The following MYMK variants were observed in gnomAD, a reference collection of about 807,000 sequenced individuals.
MYMK encodes the protein myomaker, myoblast fusion factor.
In MYMK, 16 loss-of-function variants were observed where a neutral mutation model predicts 22.4. The observed-to-expected ratio is 0.72, with a 90% confidence interval of 0.48 to 1.09. MYMK has a LOEUF of 1.09. Ranked by LOEUF, MYMK falls within the 50% of genes least tolerant of loss-of-function variation. The pLI, the probability that MYMK is intolerant of heterozygous loss-of-function variation, is 0.00. For missense variants in MYMK, 250 were observed against 295.6 expected (o/e 0.85, Z 1.13); for synonymous variants, 125 against 127.0 (o/e 0.98, Z 0.11).
At chr9:133,524,628 C>A (rs993320522) in intron 1 of MYMK, 82 bp downstream of exon 1, 24 of 1,602,864 alleles carry the variant, frequency 1.5e-5, no homozygotes, top group Non-Finnish European at 2.0e-5. Context: ...TCACCCAATA[C>A]AAGAACGCTG....
rs149821214 is a variant in MYMK, at chr9:133,517,420, C to T, written c.399+1454G>A. Among the ~76,000 whole-genome samples, 582 of 152,296 alleles carry T rather than the reference C, an allele frequency of 3.8e-3. 2 individuals are homozygous for T. The highest frequency in any genetic ancestry group is 6.5e-3 in the Non-Finnish European group (439 of 68,016). ...GTGGCTCATGCCTGTAATTCCAGCA[C>T]TTTGGGAGACTGAGGCAGGCAGATT... On this transcript the variant is annotated intron_variant, in intron 3 of 4. Coordinates refer to ENST00000339996, the MANE Select transcript of MYMK (RefSeq NM_001080483.3).
chr9:133,523,755 G>A (rs1844731957), intron 1 of MYMK, among the ~76,000 whole-genome samples: 1 of 151,676 alleles, frequency 6.6e-6, no homozygotes, highest in Admixed American at 6.6e-5. Context: ...AAGCCAGAGA[G>A]ACACATGGAG....
chr9:133,522,394 G>A (rs918155771), intron 1 of MYMK, among the ~76,000 whole-genome samples: 3 of 152,204 alleles, frequency 2.0e-5, no homozygotes, highest in Non-Finnish European at 4.4e-5. Context: ...TCTCCGTGGG[G>A]TTTGCACCCA....
At chr9:133,522,417 C>T (rs1176639908) in intron 1 of MYMK, among the ~76,000 whole-genome samples, 3 of 152,022 alleles carry the variant, frequency 2.0e-5, no homozygotes, top group Non-Finnish European at 4.4e-5. Context: ...GCAAGGTGTC[C>T]GGCACAGAGA....
At chr9:133,520,078 A>C in intron 2 of MYMK, 96 bp downstream of exon 2, 1 of 862,000 alleles carries the variant, frequency 1.2e-6, no homozygotes, top group Non-Finnish European at 1.9e-6. Context: ...GAGTGGGGAT[A>C]GAGGGCTGCA....
chr9:133,517,689 GGTTC>G (rs1844648392), intron 3 of MYMK, among the ~76,000 whole-genome samples: 1 of 147,636 alleles, frequency 6.8e-6, no homozygotes, highest in Non-Finnish European at 1.5e-5. Flanking sequence ...AAAAAAGTCA[GGTTC>G]TGGCCCCGCC....
At chr9:133,522,307 C>G (rs1291511941) in intron 1 of MYMK, among the ~76,000 whole-genome samples, 2 of 143,746 alleles carry the variant, frequency 1.4e-5, no homozygotes, top group African/African-American at 2.7e-5. Flanking sequence ...TCTGACTTTG[C>G]AGATGTTCCC....
rs1131692249 is a variant in MYMK, at chr9:133,515,546, A to C, written c.461T>G (p.Ile154Arg). ...YPDKSVYTQQ[I>R]GPGLCFGALA... ...CGCCCCGAAGCAGAGGCCGGGGCCT[A>C]TCTGCTGGGTGTAGACGCTCTTGTC... The change falls in exon 4 of 5, where the codon ATA becomes AGA. Residue 154 changes from isoleucine (I) to arginine (R), a missense_variant. Coordinates refer to ENST00000339996, the MANE Select transcript of MYMK (RefSeq NM_001080483.3). This position sits in a 1 kb window ranked among gnomAD's most constrained non-coding sequence, Gnocchi z 5.8. The C allele has an allele frequency of 1.2e-6, 2 of 1,614,078 alleles. No homozygotes were observed. The highest frequency in any genetic ancestry group is 4.5e-5 in the East Asian group (2 of 44,866).
At chr9:133,520,067 T>G in intron 2 of MYMK, 107 bp downstream of exon 2, 1 of 757,330 alleles carries the variant, frequency 1.3e-6, no homozygotes, top group Non-Finnish European at 2.3e-6. Context: ...GGGCTGGGAG[T>G]GAGTGGGGAT....
At position 133,515,352 on chromosome 9, in the gene MYMK, T is replaced by C; in HGVS notation, c.516+139A>G. The C allele has an allele frequency of 1.5e-6, 1 of 667,144 alleles. No individual in the cohort carries two copies. Among genetic ancestry groups the C allele is most frequent in the Non-Finnish European group, 2.7e-6 (1 of 369,422 alleles). The allele number at this position is 667,144 out of a possible 1,614,324, so 41.3% of individuals were successfully genotyped here. On this transcript the variant is annotated intron_variant, in intron 4 of 4. Coordinates refer to ENST00000339996, the MANE Select transcript of MYMK (RefSeq NM_001080483.3). This position sits in a 1 kb window ranked among gnomAD's most constrained non-coding sequence, Gnocchi z 5.8. ...CCGACATAGCCCTGGGAGGGGCTAG[T>C]GAGCAGGGACTAATACCAGACTTTG... is the stretch of plus-strand genomic sequence containing the variant.
chr9:133,520,181 C>G lies in MYMK; in HGVS notation c.243G>C (p.Ser81=), dbSNP rs756144808. 5 of 1,613,658 alleles carry G rather than the reference C, an allele frequency of 3.1e-6. No homozygotes were observed. In the South Asian group the frequency reaches 4.4e-5, roughly 14 times the overall value. Residue 81 remains serine, a synonymous_variant, in exon 2 of 5, where the codon TCG becomes TCC. Transcript: ENST00000339996. The part of the protein sequence containing the change: ...VYGTALSMWV[S]LMALADFDEP... ...CAGGGGTTGACCACTCACCCATCAG[C>G]GAGACCCACATGCTCAGGGCTGTCC... is the stretch of plus-strand genomic sequence containing the variant.
chr9:133,519,590 T>C (rs1844673543), intron 2 of MYMK, among the ~76,000 whole-genome samples: 1 of 152,102 alleles, frequency 6.6e-6, no homozygotes, highest in African/African-American at 2.4e-5. Flanking sequence ...GCAAAGTGAA[T>C]AGGATCGAAT....
In MYMK at chr9:133,515,368, C is replaced by G; in HGVS notation, c.516+123G>C. On this transcript the variant is annotated intron_variant, in intron 4 of 4. Transcript: ENST00000339996. The surrounding 1 kb of genome is among the most constrained non-coding windows in gnomAD (Gnocchi z 5.8). ...AGGGGCTAGTGAGCAGGGACTAATACCAGACTTTGGCCTGGGGCTGTCAGA... is the reference window on the plus strand; with the variant it reads ...AGGGGCTAGTGAGCAGGGACTAATAGCAGACTTTGGCCTGGGGCTGTCAGA... 1 of 709,728 alleles carries G rather than the reference C, an allele frequency of 1.4e-6. No individual in the cohort carries two copies. Among genetic ancestry groups the G allele is most frequent in the Admixed American group, 2.2e-5 (1 of 45,680 alleles). The allele number at this position is 709,728 out of a possible 1,614,324, so 44.0% of individuals were successfully genotyped here.
At chr9:133,521,799 T>G (rs1388516755) in intron 1 of MYMK, among the ~76,000 whole-genome samples, 8 of 152,220 alleles carry the variant, frequency 5.3e-5, no homozygotes, top group Non-Finnish European at 1.2e-4. Flanking sequence ...TCTCCTGGCT[T>G]CTTCCCATCC....
intron 1 of MYMK, among the ~76,000 whole-genome samples, chr9:133,521,825 T>A (rs1190319921): frequency 6.6e-6 from 1 of 152,180 alleles, no homozygotes; most frequent in Non-Finnish European, 1.5e-5. Context: ...CCCAGCCCCA[T>A]CACCTGCTGT....
At chr9:133,524,413 G>C (rs550174305) in intron 1 of MYMK, among the ~76,000 whole-genome samples, 1 of 152,212 alleles carries the variant, frequency 6.6e-6, no homozygotes, top group African/African-American at 2.4e-5. Context: ...TGAGAAAAGG[G>C]GCACGCTGGA....
At chr9:133,521,179 A>G (rs1032184688) in intron 1 of MYMK, among the ~76,000 whole-genome samples, 1 of 152,194 alleles carries the variant, frequency 6.6e-6, no homozygotes, top group African/African-American at 2.4e-5. Flanking sequence ...GAGTGTTTTC[A>G]AAGCAGTCAA....
intron 1 of MYMK, among the ~76,000 whole-genome samples, chr9:133,521,657 G>A (rs577911087): frequency 2.0e-5 from 3 of 152,202 alleles, no homozygotes; most frequent in Non-Finnish European, 4.4e-5. Flanking sequence ...GCGGCTAGAG[G>A]AGGGTGACCA....
intron 3 of MYMK, among the ~76,000 whole-genome samples, chr9:133,518,619 G>A (rs1844659068): frequency 6.6e-6 from 1 of 152,232 alleles, no homozygotes; most frequent in Admixed American, 6.5e-5. Context: ...TGCTTTACAG[G>A]TACGGGCGTG....
Sources: gnomAD v4.1 joint callset for allele counts (sites outside exome capture counted in the v4.1 genomes callset) on GRCh38, gnomAD v4.1.1 for gene constraint, Gnocchi (gnomAD v3.1) non-coding constraint, MANE v1.5 for transcripts, NCBI Gene and HGNC (gene_info 2026-07-23, HGNC 2026-07-21) for gene names.